RANBP2: variants seen among roughly 807,000 people sequenced by gnomAD.
RANBP2 encodes E3 SUMO-protein ligase RanBP2.
A neutral mutation model predicts 303.6 loss-of-function variants in RANBP2; 57 were observed. That is an observed-to-expected ratio of 0.19 (90% CI 0.15 to 0.23). RANBP2 has a LOEUF of 0.23. RANBP2 is among the 10% of genes least tolerant of loss of function. The pLI is 1.00. For synonymous variants in RANBP2, 1,167 were observed against 1,301.5 expected (o/e 0.90, Z 2.23); for missense variants, 3,138 against 3,780.8 (o/e 0.83, Z 4.46).
chr2:109,555,392 C>A, the RANBP2 span, among the ~76,000 whole-genome samples: 3 of 152,252 alleles, frequency 2.0e-5, no homozygotes, highest in Admixed American at 2.0e-4. Flanking sequence ...ACCTTCTACC[C>A]CCATGCTGTC....
At chr2:109,522,973 TA>T in the RANBP2 span, among the ~76,000 whole-genome samples, 1 of 152,102 alleles carries the variant, frequency 6.6e-6, no homozygotes, top group East Asian at 1.9e-4. Flanking sequence ...CCATTTAGAG[TA>T]AGTGCTAAAA....
chr2:109,203,382 T>C, the RANBP2 span, among the ~76,000 whole-genome samples: 128 of 152,198 alleles, frequency 8.4e-4, no homozygotes, highest in Non-Finnish European at 1.8e-4. Context: ...ACGGATGGCC[T>C]TGGGAGGGTG....
At chr2:108,912,710 C>T in the RANBP2 span, 2 of 1,601,600 alleles carry the variant, frequency 1.2e-6, no homozygotes, top group Admixed American at 1.7e-5. Flanking sequence ...AGACAGGGTG[C>T]TGCTGCCCGA....
At chr2:108,961,192 C>A in the RANBP2 span, among the ~76,000 whole-genome samples, 1 of 152,074 alleles carries the variant, frequency 6.6e-6, no homozygotes, top group Non-Finnish European at 1.5e-5. Context: ...GAGGCCCAGA[C>A]AGAAAAAGAA....
At chr2:109,446,812 A>G in the RANBP2 span, among the ~76,000 whole-genome samples, 1 of 152,018 alleles carries the variant, frequency 6.6e-6, no homozygotes, top group African/African-American at 2.4e-5. Flanking sequence ...GCGGCAGGCG[A>G]GGGGAAGCCG....
At chr2:109,181,026 C>G in the RANBP2 span, among the ~76,000 whole-genome samples, 1 of 152,192 alleles carries the variant, frequency 6.6e-6, no homozygotes. Context: ...CCCTTCTTGA[C>G]AAAGTCCTTT....
At chr2:108,980,980 G>A in the RANBP2 span, among the ~76,000 whole-genome samples, 5 of 55,966 alleles carry the variant, frequency 8.9e-5, no homozygotes, top group East Asian at 2.0e-4. Context: ...GGACTAGACC[G>A]TGGGAATGAC....
At chr2:109,511,563 G>A in the RANBP2 span, among the ~76,000 whole-genome samples, 38 of 152,310 alleles carry the variant, frequency 2.5e-4, no homozygotes, top group Admixed American at 6.5e-4. Context: ...GCCAACCACT[G>A]TTGTGGCAAG....
chr2:109,296,182 C>T, the RANBP2 span, among the ~76,000 whole-genome samples: 1,210 of 152,174 alleles, frequency 8.0e-3, 12 homozygotes, highest in East Asian at 0.037. Context: ...GACCCAGAGC[C>T]TCCTCCCATC....
At chr2:108,833,225 ATC>A in the RANBP2 span, among the ~76,000 whole-genome samples, 2 of 152,230 alleles carry the variant, frequency 1.3e-5, no homozygotes, top group Admixed American at 1.3e-4. Context: ...AACAGAGTGA[ATC>A]CTAATGTAAA....
At chr2:109,257,400 G>GAGGAAGGGAAGGAGGGA in the RANBP2 span, among the ~76,000 whole-genome samples, 1 of 151,384 alleles carries the variant, frequency 6.6e-6, no homozygotes, top group Non-Finnish European at 1.5e-5. Context: ...GAAGGAGGGA[G>GAGGAAGGGAAGGAGGGA]AGGAAGGGAA....
At chr2:109,388,263 G>C in the RANBP2 span, among the ~76,000 whole-genome samples, 1 of 152,180 alleles carries the variant, frequency 6.6e-6, no homozygotes, top group Non-Finnish European at 1.5e-5. Context: ...TTCTCTAGTA[G>C]CACTTTCATT....
At chr2:108,841,710 T>C in the RANBP2 span, among the ~76,000 whole-genome samples, 57 of 152,270 alleles carry the variant, frequency 3.7e-4, no homozygotes, top group African/African-American at 1.3e-3. Context: ...TTTTAATTGG[T>C]GTTTTAGGCC....
the RANBP2 span, among the ~76,000 whole-genome samples, chr2:108,852,950 C>G: frequency 6.6e-6 from 1 of 152,124 alleles, no homozygotes; most frequent in African/African-American, 2.4e-5. Context: ...TAATGTGTCA[C>G]TGAGAGGATA....
intron 17 of RANBP2, among the ~76,000 whole-genome samples, chr2:108,757,582 C>T (rs1676409919): frequency 6.6e-6 from 1 of 152,098 alleles, no homozygotes; most frequent in African/African-American, 2.4e-5. Context: ...TGAACATCAC[C>T]TTGAGAATTA....
chr2:109,679,925 G>A, the RANBP2 span, among the ~76,000 whole-genome samples: 12 of 152,200 alleles, frequency 7.9e-5, no homozygotes, highest in Non-Finnish European at 1.6e-4. Context: ...CAAATCGCCA[G>A]TGTGGACCAC....
chr2:108,829,323 A>C, the RANBP2 span, among the ~76,000 whole-genome samples: 1 of 152,226 alleles, frequency 6.6e-6, no homozygotes, highest in Admixed American at 6.5e-5. Flanking sequence ...AAAAGCAAGC[A>C]AAGAACCTAA....
chr2:109,035,322 C>T, the RANBP2 span, among the ~76,000 whole-genome samples: 2 of 151,994 alleles, frequency 1.3e-5, no homozygotes, highest in African/African-American at 2.4e-5. Flanking sequence ...ATGGAGAGTC[C>T]CATTCCTCCC....
the RANBP2 span, among the ~76,000 whole-genome samples, chr2:109,097,769 GTGTC>G: frequency 7.9e-6 from 1 of 126,604 alleles, no homozygotes; most frequent in East Asian, 2.3e-4. Context: ...GTGTGTGTGT[GTGTC>G]TTCACACTCC....
Sources: allele counts gnomAD v4.1 joint callset (sites outside exome capture counted in the v4.1 genomes callset), GRCh38; gene constraint gnomAD v4.1.1; transcripts MANE v1.5; gene names NCBI Gene and HGNC (gene_info 2026-07-23, HGNC 2026-07-21).